The following DNAH5 variants were observed in gnomAD, a reference collection of about 807,000 sequenced individuals.
DNAH5 encodes the protein axonemal beta dynein heavy chain 5.
Under a neutral mutation model 518.2 loss-of-function variants are expected in DNAH5, and 372 were observed. The observed-to-expected ratio is 0.72, with a 90% CI of 0.66 to 0.78. The LOEUF (loss-of-function observed/expected upper bound fraction) is 0.78, where lower values mean the gene tolerates loss of function less well. Among genes scored for constraint, DNAH5 ranks in the 30% least tolerant of loss-of-function variants. The pLI is 0.00. For missense variants in DNAH5, 5,523 were observed against 5,687.0 expected (o/e 0.97, Z 0.93); for synonymous variants, 2,039 against 2,025.9 (o/e 1.01, Z -0.17).
intron 16 of DNAH5, 44 bp downstream of exon 16, chr5:13,894,606 C>T (rs1178511815): frequency 1.9e-6 from 3 of 1,594,124 alleles, no homozygotes; most frequent in East Asian, 2.2e-5. Context: ...GTTAGGAACT[C>T]AGCCTTTAGA....
chr5:13,845,884 G>A (rs999927753), intron 31 of DNAH5, among the ~76,000 whole-genome samples: 10 of 141,562 alleles, frequency 7.1e-5, no homozygotes, highest in African/African-American at 1.1e-4. Context: ...GGGCTGGAGT[G>A]CAGTGGCATG....
At position 13,921,039 on chromosome 5, in the gene DNAH5, T is replaced by C. The variant is rs889511072; in HGVS notation, c.661-422A>G. On this transcript the variant is annotated intron_variant, in intron 5 of 78. Coordinates refer to ENST00000265104, the MANE Select transcript of DNAH5 (RefSeq NM_001369.3). ...TTCATGTATACATATGTAACAAACC[T>C]GCACGTTGTGCACATGTACCCTAAA... Among the ~76,000 whole-genome samples, 6 of 152,326 alleles carry C rather than the reference T, an allele frequency of 3.9e-5. No homozygotes were observed. In the East Asian group the frequency reaches 5.8e-4, roughly 15 times the overall value.
intron 67 of DNAH5, among the ~76,000 whole-genome samples, chr5:13,735,541 C>T (rs1747270670): frequency 6.6e-6 from 1 of 152,138 alleles, no homozygotes; most frequent in Non-Finnish European, 1.5e-5. Flanking sequence ...ACCTGCAGGG[C>T]ATCATCACTC....
intron 65 of DNAH5, among the ~76,000 whole-genome samples, chr5:13,749,476 C>T (rs1378144965): frequency 1.3e-5 from 2 of 152,146 alleles, no homozygotes; most frequent in Non-Finnish European, 2.9e-5. Flanking sequence ...TCATCTTAAA[C>T]CTCTGCTACA....
At chr5:13,951,205 T>A (rs1438897305) in intron 1 of DNAH5, among the ~76,000 whole-genome samples, 1 of 131,424 alleles carries the variant, frequency 7.6e-6, no homozygotes, top group Non-Finnish European at 1.6e-5. Context: ...TTTTGTTTTT[T>A]TCGTTTTTTT....
intron 5 of DNAH5, among the ~76,000 whole-genome samples, 155 bp from the exon 6 acceptor site, chr5:13,920,772 C>T (rs563115759): frequency 1.1e-4 from 17 of 152,122 alleles, no homozygotes; most frequent in Non-Finnish European, 1.9e-4. Flanking sequence ...CCTTTGTCCA[C>T]GCTGCCCCCA....
At chr5:13,759,570 G>C (rs556824900) in intron 60 of DNAH5, among the ~76,000 whole-genome samples, 2 of 152,272 alleles carry the variant, frequency 1.3e-5, no homozygotes, top group East Asian at 3.9e-4. Flanking sequence ...TGGTGGTCTT[G>C]ACATTGTTCC....
rs1386153539 is a variant in DNAH5, at chr5:13,920,503, C to T, written c.775G>A (p.Val259Ile). 1 of 1,614,184 alleles carries T rather than the reference C, an allele frequency of 6.2e-7. No individual in the cohort carries two copies. Among genetic ancestry groups the T allele is most frequent in the Non-Finnish European group, 8.5e-7 (1 of 1,180,022 alleles). ...ACCTGTTCTGTCTGTTTGATCCATA[C>T]TTTCATGCAATCCTCTATTTTTCCC... Reference protein sequence around the residue: ...TLGKIEDCMKVWIKQTEQVLA... With the variant: ...TLGKIEDCMKIWIKQTEQVLA... The change falls in exon 6 of 79, where the codon GTA (valine) becomes ATA (isoleucine). Residue 259 changes from valine (V) to isoleucine (I), a missense_variant. Physicochemically the swap from Val to Ile is conservative, Grantham distance 29. Transcript: ENST00000265104.
At chr5:13,840,638 G>A (rs942094692) in intron 34 of DNAH5, among the ~76,000 whole-genome samples, 1 of 152,164 alleles carries the variant, frequency 6.6e-6, no homozygotes, top group African/African-American at 2.4e-5. Flanking sequence ...GATGCTACAT[G>A]ACAATTTTAA....
intron 53 of DNAH5, among the ~76,000 whole-genome samples, chr5:13,778,768 G>C (rs1331909122): frequency 2.0e-5 from 3 of 152,156 alleles, no homozygotes; most frequent in African/African-American, 7.2e-5. Context: ...AGAGTCTCTT[G>C]CATCTCAGCC....
Position 13,913,989 on chromosome 5 carries a change from G to C in DNAH5, c.1321-31C>G, listed in dbSNP as rs976452207. On this transcript the variant is annotated intron_variant, in intron 10 of 78. Transcript: ENST00000265104. The stretch of plus-strand genomic sequence containing the variant: ...AATCAAAAGAAAAATATACAACAAA[G>C]GGAACAAGAAAGGTATCAACTTTAT... 3 of 1,606,344 alleles carry C rather than the reference G, an allele frequency of 1.9e-6. No individual in the cohort carries two copies. The African/African-American group carries it at 4.0e-5, about 21-fold the overall frequency.
rs570023462 is a variant in DNAH5, at chr5:13,892,175, T to C, written c.2432-1054A>G. On this transcript the variant is annotated intron_variant, in intron 16 of 78. Transcript: ENST00000265104. ...CAAATAGTTCTGCCTGGTAAATTGA[T>C]TGAATACTAAAAGAGAGCCAACACT... Among the ~76,000 whole-genome samples, 9 of 152,330 alleles carry C rather than the reference T, an allele frequency of 5.9e-5. No homozygotes were observed. In the South Asian group the frequency reaches 1.9e-3, roughly 32 times the overall value.
chr5:13,818,299 T>G (rs1407042350), intron 41 of DNAH5, among the ~76,000 whole-genome samples: 5 of 152,222 alleles, frequency 3.3e-5, no homozygotes, highest in Non-Finnish European at 7.3e-5. Context: ...AGGTTTAAAG[T>G]ATAAAATTAT....
intron 28 of DNAH5, among the ~76,000 whole-genome samples, chr5:13,863,167 GT>G (rs1768736733): frequency 6.6e-6 from 1 of 152,274 alleles, no homozygotes; most frequent in South Asian, 2.1e-4. Flanking sequence ...CCATGGCTCT[GT>G]TGACTTTCCC....
Position 13,861,142 on chromosome 5 carries a change from T to C in DNAH5, c.4796+1406A>G, listed in dbSNP as rs138353035. Among the ~76,000 whole-genome samples, 108 of 152,256 alleles carry C rather than the reference T, an allele frequency of 7.1e-4. 1 individual carries two copies. The highest frequency in any genetic ancestry group is 2.5e-3 in the African/African-American group (104 of 41,558). ...GATTAGATGCCATTGAAAAGAAAAG[T>C]TTCCCCACCCCAACCAGATAATTTT... On this transcript the variant is annotated intron_variant, in intron 29 of 78. Transcript: ENST00000265104.
Position 13,769,600 on chromosome 5 carries a change from CA to C in DNAH5, c.9620del (p.Leu3207TrpfsTer14), listed in dbSNP as rs769691641. The part of the protein sequence containing the change: ...RTLANRMNTG[L>X]EKLKEASESV... The stretch of plus-strand genomic sequence containing the variant: ...ACTCTGAAGCTTCTTTGAGCTTTTC[CA>C]ATCCAGTATTCATTCTGGGATTGAA... On this transcript the variant is annotated frameshift_variant, in exon 57 of 79. Transcript: ENST00000265104. LOFTEE classifies it high-confidence loss of function. 15 of 1,613,710 alleles carry C rather than the reference CA, an allele frequency of 9.3e-6. No homozygotes were observed. In the African/African-American group the frequency reaches 2.0e-4, roughly 22 times the overall value.
chr5:14,000,727 A>G (rs2152083066), intron 1 of DNAH5, among the ~76,000 whole-genome samples: 1 of 152,164 alleles, frequency 6.6e-6, no homozygotes, highest in East Asian at 1.9e-4. Context: ...TGTGGAAAGT[A>G]GCCTCGTGAT....
intron 12 of DNAH5, 110 bp from the exon 13 acceptor site, chr5:13,902,248 A>C: frequency 1.3e-6 from 1 of 769,062 alleles, no homozygotes; most frequent in Non-Finnish European, 2.1e-6. Flanking sequence ...ATGGAACAAA[A>C]TGTAACCGAA....
intron 31 of DNAH5, 112 bp from the exon 32 acceptor site, chr5:13,845,105 T>C: frequency 9.6e-7 from 1 of 1,036,762 alleles, no homozygotes; most frequent in South Asian, 1.5e-5. Flanking sequence ...TGTGACAATC[T>C]GATTTTCCTA....
Sources: allele counts gnomAD v4.1 joint callset (sites outside exome capture counted in the v4.1 genomes callset), GRCh38; gene constraint gnomAD v4.1.1; transcripts MANE v1.5; gene names NCBI Gene and HGNC (gene_info 2026-07-23, HGNC 2026-07-21).